Variants in PMFBP1 observed in about 807,000 individuals in gnomAD.
The protein encoded by PMFBP1 is polyamine modulated factor 1 binding protein 1, also known as polyamine-modulated factor 1-binding protein 1.
Under a neutral mutation model 137.8 loss-of-function variants are expected in PMFBP1, and 131 were observed. That is an observed-to-expected ratio of 0.95 (90% CI 0.82 to 1.10). The LOEUF (loss-of-function observed/expected upper bound fraction) is 1.10. PMFBP1 is among the 50% of genes least tolerant of loss of function. The pLI is 0.00. For missense variants in PMFBP1, 1,199 were observed against 1,175.4 expected (o/e 1.02, Z -0.29); for synonymous variants, 490 against 450.4 (o/e 1.09, Z -1.11).
intron 1 of PMFBP1, chr16:72,171,497 A>G (rs1035865594): frequency 4.6e-6 from 2 of 439,312 alleles, no homozygotes; most frequent in Non-Finnish European, 8.2e-6. Flanking sequence ...TACTTGGTGA[A>G]CCAAACAGTT....
chr16:72,193,065 C>G, the PMFBP1 span, among the ~76,000 whole-genome samples: 3 of 152,030 alleles, frequency 2.0e-5, no homozygotes, highest in Non-Finnish European at 4.4e-5. Flanking sequence ...ATGGACCACC[C>G]TATATGGAGG....
the PMFBP1 span, among the ~76,000 whole-genome samples, chr16:72,221,904 G>A: frequency 2.0e-5 from 3 of 152,174 alleles, no homozygotes; most frequent in Admixed American, 6.5e-5. Context: ...TCTATATGAG[G>A]TGAAATATGC....
intron 2 of PMFBP1, among the ~76,000 whole-genome samples, chr16:72,169,630 A>G (rs1163695461): frequency 2.0e-5 from 3 of 152,100 alleles, no homozygotes; most frequent in Non-Finnish European, 4.4e-5. Flanking sequence ...ATAATAAAAA[A>G]GATTTAAAAA....
At position 72,129,149 on chromosome 16, in the gene PMFBP1, A is replaced by C. The variant is rs193095230; in HGVS notation, c.1867T>G (p.Leu623Val). 1.4e-5 allele frequency: 22 copies of C among 1,614,116 alleles called. No homozygotes were observed. The highest frequency in any genetic ancestry group is 4.0e-5 in the African/African-American group (3 of 74,940). Residue 623 changes from leucine to valine, a missense_variant, in exon 13 of 21, where the codon TTG becomes GTG. Leu to Val is a conservative substitution (Grantham distance 32, BLOSUM62 1). Coordinates refer to ENST00000237353, the MANE Select transcript of PMFBP1 (RefSeq NM_031293.3). The stretch of plus-strand genomic sequence containing the variant: ...TTCTCATGCTCTTTGCTCTTCTTCA[A>C]CTGCTCCCGTTTGTCCTCCAGAAGC... ...TKLLEDKREQ[L>V]KKSKEHEKLM...
the PMFBP1 span, among the ~76,000 whole-genome samples, chr16:72,208,174 G>T: frequency 6.6e-6 from 1 of 152,188 alleles, no homozygotes; most frequent in Non-Finnish European, 1.5e-5. Context: ...AAGATAATGT[G>T]TGGCCAAATG....
chr16:72,164,613 G>T, intron 3 of PMFBP1, 151 bp downstream of exon 3: 1 of 1,201,666 alleles, frequency 8.3e-7, no homozygotes, highest in Non-Finnish European at 1.2e-6. Flanking sequence ...GCGTTGGGGT[G>T]TGTGTGTTTA....
chr16:72,195,124 T>G, the PMFBP1 span, among the ~76,000 whole-genome samples: 1 of 152,142 alleles, frequency 6.6e-6, no homozygotes, highest in African/African-American at 2.4e-5. Flanking sequence ...GCGGACAGCC[T>G]CCAGCTGTCA....
At chr16:72,233,677 G>A in the PMFBP1 span, among the ~76,000 whole-genome samples, 2 of 151,766 alleles carry the variant, frequency 1.3e-5, no homozygotes, top group African/African-American at 4.9e-5. Flanking sequence ...ACCACTATCT[G>A]ACTTTAGAAT....
the PMFBP1 span, among the ~76,000 whole-genome samples, chr16:72,240,075 G>A: frequency 6.6e-6 from 1 of 152,086 alleles, no homozygotes; most frequent in African/African-American, 2.4e-5. Flanking sequence ...GAACATTTCA[G>A]CTAGAGATTA....
At chr16:72,130,477 C>G (rs1005284383) in intron 11 of PMFBP1, 56 bp downstream of exon 11, 1 of 1,608,404 alleles carries the variant, frequency 6.2e-7, no homozygotes. Context: ...ACAGAGGGCC[C>G]GGCTGGGTCA....
At chr16:72,203,994 T>A in the PMFBP1 span, among the ~76,000 whole-genome samples, 2 of 152,196 alleles carry the variant, frequency 1.3e-5, no homozygotes, top group Admixed American at 1.3e-4. Context: ...GAGGACCCTG[T>A]CTGCCTCTGT....
At chr16:72,141,453 A>C (rs1176520409) in intron 5 of PMFBP1, among the ~76,000 whole-genome samples, 4 of 152,186 alleles carry the variant, frequency 2.6e-5, no homozygotes, top group Non-Finnish European at 5.9e-5. Context: ...TAATTTCATT[A>C]TCTCTCTACT....
intron 4 of PMFBP1, among the ~76,000 whole-genome samples, chr16:72,152,135 A>T (rs2042911356): frequency 6.6e-6 from 1 of 152,198 alleles, no homozygotes; most frequent in African/African-American, 2.4e-5. Context: ...AGTTACTTGA[A>T]TTTATATCCT....
the PMFBP1 span, among the ~76,000 whole-genome samples, chr16:72,220,710 C>T: frequency 2.6e-5 from 4 of 152,252 alleles, no homozygotes; most frequent in African/African-American, 9.6e-5. Context: ...CATTTTTCTC[C>T]AGGCCTTGCA....
At chr16:72,181,247 A>G (rs1169543955), upstream of PMFBP1, among the ~76,000 whole-genome samples, 4 of 145,774 alleles carry the variant, frequency 2.7e-5, no homozygotes, top group East Asian at 1.9e-4. Flanking sequence ...CAAAAAAAAA[A>G]AAATAATAAT....
chr16:72,125,189 T>C, intron 16 of PMFBP1, 49 bp downstream of exon 16: 6 of 1,585,142 alleles, frequency 3.8e-6, no homozygotes, highest in African/African-American at 1.4e-5. Flanking sequence ...AGAGGTGACC[T>C]TGTGGACCCC....
chr16:72,153,791 A>G (rs971944903), intron 4 of PMFBP1, among the ~76,000 whole-genome samples: 5 of 148,122 alleles, frequency 3.4e-5, no homozygotes, highest in African/African-American at 7.5e-5. Flanking sequence ...AGGAATTTAT[A>G]TATTATCAAG....
chr16:72,119,221 G>A lies in PMFBP1; in HGVS notation c.*117C>T. On this transcript the variant is annotated 3_prime_UTR_variant, in exon 21 of 21. Coordinates refer to ENST00000237353, the MANE Select transcript of PMFBP1 (RefSeq NM_031293.3). ...AAGTTAGTGTCTTGCAAAATAGGCT[G>A]GGACCGTGATATACTCCTGTAAGAG... The A allele has an allele frequency of 8.4e-7, 1 of 1,189,662 alleles. No individual in the cohort carries two copies. Among genetic ancestry groups the A allele is most frequent in the East Asian group, 2.4e-5 (1 of 42,414 alleles). 73.7% of individuals were successfully genotyped at this position (1,189,662 alleles called of 1,614,324 possible).
chr16:72,216,226 T>A, the PMFBP1 span, among the ~76,000 whole-genome samples: 1 of 152,206 alleles, frequency 6.6e-6, no homozygotes, highest in Non-Finnish European at 1.5e-5. Flanking sequence ...CCAGAATCAT[T>A]ACTTAGAGGA....
Sources: gnomAD v4.1 joint callset for allele counts (sites outside exome capture counted in the v4.1 genomes callset) on GRCh38, gnomAD v4.1.1 for gene constraint, MANE v1.5 for transcripts, NCBI Gene and HGNC (gene_info 2026-07-23, HGNC 2026-07-21) for gene names.